Variants in ASH1L observed in about 807,000 individuals in gnomAD.
The protein encoded by ASH1L is histone-lysine N-methyltransferase ASH1L.
Under a neutral mutation model 269.0 loss-of-function variants are expected in ASH1L, and 23 were observed. The observed-to-expected ratio is 0.09, with a 90% CI of 0.06 to 0.12. ASH1L has a LOEUF of 0.12. ASH1L is among the 10% of genes least tolerant of loss of function. The pLI, the probability that ASH1L is intolerant of heterozygous loss-of-function variation, is 1.00. For synonymous variants in ASH1L, 1,187 were observed against 1,253.5 expected, an observed-to-expected ratio of 0.95 and a Z score of 1.12; for missense variants, 2,912 against 3,567.8, an observed-to-expected ratio of 0.82 and a Z score of 4.68.
chr1:155,371,850 C>CCGT (rs1655979946), intron 10 of ASH1L, among the ~76,000 whole-genome samples: 1 of 151,846 alleles, frequency 6.6e-6, no homozygotes, highest in Non-Finnish European at 1.5e-5. Context: ...TGTGTCACCA[C>CCGT]ACCCGGCTAT....
chr1:155,358,687 C>G (rs1227034915), intron 13 of ASH1L: 1 of 129,980 alleles, frequency 7.7e-6, no homozygotes, highest in Non-Finnish European at 1.6e-5. Context: ...GACTCCACCT[C>G]AAAAAAAAAT....
chr1:155,434,516 A>T lies in ASH1L; in HGVS notation c.5828+3811T>A, dbSNP rs560560106. 2.0e-5 allele frequency among the ~76,000 whole-genome samples: 3 copies of T among 151,900 alleles called. No homozygotes were observed. The East Asian group carries it at 5.8e-4, about 29-fold the overall frequency. On this transcript the variant is annotated intron_variant, in intron 5 of 27. Coordinates refer to ENST00000392403, the MANE Select transcript of ASH1L (RefSeq NM_018489.3). ...CCTGGGACACAGTAAAAAAAAAAAAAAAAAAAAAAAATTGAAAAGACCCTA... is the reference window on the plus strand; with the variant it reads ...CCTGGGACACAGTAAAAAAAAAAAATAAAAAAAAAAATTGAAAAGACCCTA...
chr1:155,353,258 T>C (rs760994746), intron 16 of ASH1L, among the ~76,000 whole-genome samples: 1 of 152,232 alleles, frequency 6.6e-6, no homozygotes, highest in Non-Finnish European at 1.5e-5. Flanking sequence ...ATAATGCAGG[T>C]TAAATGAGAT....
chr1:155,528,773 G>A (rs1165655664), intron 1 of ASH1L, among the ~76,000 whole-genome samples: 2 of 152,084 alleles, frequency 1.3e-5, no homozygotes, highest in Non-Finnish European at 2.9e-5. Context: ...GTAAACTTGT[G>A]TCATGGGGGT....
intron 24 of ASH1L, among the ~76,000 whole-genome samples, chr1:155,342,468 TTAAC>T (rs1051708381): frequency 1.8e-4 from 27 of 152,172 alleles, no homozygotes; most frequent in African/African-American, 6.5e-4. Context: ...TGAACACTTT[TTAAC>T]TGAGACAAGG....
intron 4 of ASH1L, among the ~76,000 whole-genome samples, chr1:155,444,572 C>G (rs889370017): frequency 6.6e-6 from 1 of 151,986 alleles, no homozygotes. Context: ...TTATTGGGTT[C>G]TTTTATTTTT....
chr1:155,558,258 C>T (rs1403747545), intron 1 of ASH1L, among the ~76,000 whole-genome samples: 1 of 152,086 alleles, frequency 6.6e-6, no homozygotes, highest in Non-Finnish European at 1.5e-5. Flanking sequence ...CACCAGAGGT[C>T]AGGAGTTTGA....
At chr1:155,501,791 T>G (rs934471092) in intron 2 of ASH1L, among the ~76,000 whole-genome samples, 1 of 151,998 alleles carries the variant, frequency 6.6e-6, no homozygotes, top group Non-Finnish European at 1.5e-5. Context: ...GCCTCCCAAG[T>G]AGCTGAGACT....
At chr1:155,421,670 CA>C (rs796426514) in intron 5 of ASH1L, among the ~76,000 whole-genome samples, 20 of 133,734 alleles carry the variant, frequency 1.5e-4, no homozygotes, top group Admixed American at 3.0e-4. Context: ...GACTCCATCT[CA>C]AAAAAAAAAA....
chr1:155,420,847 TAA>T (rs59908021), intron 5 of ASH1L, among the ~76,000 whole-genome samples: 2 of 136,686 alleles, frequency 1.5e-5, no homozygotes, highest in Admixed American at 7.5e-5. Flanking sequence ...AAGGCTCCAT[TAA>T]AAAAAAAAAA....
Position 155,480,574 on chromosome 1 carries a change from G to T in ASH1L, c.2296C>A (p.Pro766Thr). Reference protein sequence around the residue: ...EPAKFMKNIGPPSFVDHDFLK... With the variant: ...EPAKFMKNIGTPSFVDHDFLK... ...AAGTCATGATCTACAAATGAAGGGG[G>T]TCCAATGTTTTTCATAAACTTGGCT... Residue 766 changes from proline (P) to threonine (T), a missense_variant, in exon 3 of 28, where the codon CCC becomes ACC. Around this residue, in one of 13 missense-constraint regions of ASH1L, gnomAD observed 715 missense variants for 721.0 expected, o/e 0.99. Coordinates refer to ENST00000392403, the MANE Select transcript of ASH1L (RefSeq NM_018489.3). 6.2e-7 allele frequency: 1 copy of T among 1,614,078 alleles called. No homozygotes were observed. The highest frequency in any genetic ancestry group is 8.5e-7 in the Non-Finnish European group (1 of 1,179,976).
intron 1 of ASH1L, among the ~76,000 whole-genome samples, chr1:155,558,492 T>C (rs1008507032): frequency 1.3e-5 from 2 of 151,874 alleles, no homozygotes; most frequent in Non-Finnish European, 2.9e-5. Context: ...ATTTAAAAAG[T>C]GATGTGCTGT....
At chr1:155,485,817 T>C (rs930139482) in intron 2 of ASH1L, among the ~76,000 whole-genome samples, 6 of 152,182 alleles carry the variant, frequency 3.9e-5, no homozygotes, top group African/African-American at 1.4e-4. Context: ...TCAGGGCTCC[T>C]GCAGAAATGA....
At position 155,343,478 on chromosome 1, in the gene ASH1L, C is replaced by T. The variant is rs775267374; in HGVS notation, c.8129G>A (p.Arg2710Gln). 5.0e-6 allele frequency: 8 copies of T among 1,613,858 alleles called. No homozygotes were observed. The highest frequency in any genetic ancestry group is 6.8e-6 in the Non-Finnish European group (8 of 1,179,880). ...EKLWKNEKEE[R>Q]FAFGHHYFRP... ...GAAATAATGGTGACCAAAGGCAAAC[C>T]GTTCCTCTCTAAAACAATGGAAAAG... The change falls in exon 24 of 28, where the codon CGG becomes CAG. Residue 2710 changes from arginine (R) to glutamine (Q), a missense_variant. Physicochemically the swap from Arg to Gln is conservative, Grantham distance 43. Transcript: ENST00000392403. The surrounding 1 kb of genome is among the most constrained non-coding windows in gnomAD (Gnocchi z 6.1).
chr1:155,349,855 C>G (rs1163873535), intron 17 of ASH1L, among the ~76,000 whole-genome samples: 1 of 146,016 alleles, frequency 6.8e-6, no homozygotes, highest in African/African-American at 2.5e-5. Flanking sequence ...GCAGCTGGGA[C>G]TACAGGCGTG....
At chr1:155,344,419 G>T in intron 21 of ASH1L, 146 bp from the exon 22 acceptor site, 1 of 606,406 alleles carries the variant, frequency 1.6e-6, no homozygotes, top group Non-Finnish European at 2.9e-6. Flanking sequence ...AGCAACTAGA[G>T]CTGTTAAACC....
rs752971615 is a variant in ASH1L, at chr1:155,343,754, C to G, written c.7982-12G>C. 6.2e-7 allele frequency: 1 copy of G among 1,609,540 alleles called. No individual in the cohort carries two copies. The highest frequency in any genetic ancestry group is 1.1e-5 in the South Asian group (1 of 90,160). On this transcript the variant is annotated splice_polypyrimidine_tract_variant and intron_variant, in intron 22 of 27. Transcript: ENST00000392403. This position sits in a 1 kb window ranked among gnomAD's most constrained non-coding sequence, Gnocchi z 6.1. ...ATACACACAGTCACCTAGGAAGACC[C>G]AGAACACAGAAGAAACATAAAACAA...
chr1:155,547,892 C>T (rs1403139209), intron 1 of ASH1L, among the ~76,000 whole-genome samples: 1 of 152,134 alleles, frequency 6.6e-6, no homozygotes, highest in African/African-American at 2.4e-5. Flanking sequence ...AGGAGAATGG[C>T]GTGAACCCGG....
intron 1 of ASH1L, among the ~76,000 whole-genome samples, chr1:155,540,351 A>G (rs1367956168): frequency 6.6e-6 from 1 of 152,234 alleles, no homozygotes; most frequent in Admixed American, 6.5e-5. Context: ...AAAAGTACTT[A>G]GAACAGCACT....
Sources: gnomAD v4.1 joint callset for allele counts (sites outside exome capture counted in the v4.1 genomes callset) on GRCh38, gnomAD v4.1.1 for gene constraint, gnomAD v4.1.1 regional missense constraint, Gnocchi (gnomAD v3.1) non-coding constraint, MANE v1.5 for transcripts, NCBI Gene and HGNC (gene_info 2026-07-23, HGNC 2026-07-21) for gene names.